Variants in MAP4 observed in about 807,000 individuals in gnomAD.
MAP4 encodes microtubule associated protein 4, also known as microtubule-associated protein 4.
A neutral mutation model predicts 170.2 loss-of-function variants in MAP4; 76 were observed. The observed-to-expected ratio is 0.45, with a 90% CI of 0.37 to 0.54. MAP4 has a LOEUF of 0.54. Among genes scored for constraint, MAP4 ranks in the 20% least tolerant of loss-of-function variants. The pLI, the probability that MAP4 is intolerant of heterozygous loss-of-function variation, is 0.00. For missense variants in MAP4, 2,506 were observed against 2,748.0 expected (o/e 0.91, Z 1.97); for synonymous variants, 909 against 994.5 (o/e 0.91, Z 1.62).
rs2100041070 is a variant in MAP4 at position 47,918,697 on chromosome 3, AAGG to A, written c.652+19_652+21del. 6.3e-7 allele frequency: 1 copy of A among 1,587,744 alleles called. No homozygotes were observed. The highest frequency in any genetic ancestry group is 1.7e-5 in the Admixed American group (1 of 59,720). ...CCAATACTGCAACCATTAACTGATA[AAGG>A]GAGTCTCTAATAGTTTACCTGCCGT... On this transcript the variant is annotated intron_variant, in intron 6 of 20. Coordinates refer to ENST00000683076, the MANE Select transcript of MAP4 (RefSeq NM_001385682.1).
At chr3:48,043,838 C>T (rs983464407) in intron 1 of MAP4, among the ~76,000 whole-genome samples, 1 of 152,086 alleles carries the variant, frequency 6.6e-6, no homozygotes, top group African/African-American at 2.4e-5. Context: ...ACTGCAATTG[C>T]TCTGTAATCT....
intron 4 of MAP4, among the ~76,000 whole-genome samples, chr3:47,922,598 C>T (rs2153706975): frequency 6.6e-6 from 1 of 151,740 alleles, no homozygotes; most frequent in South Asian, 2.1e-4. Flanking sequence ...TTTTTCACCT[C>T]ATGTGGACAT....
rs1050156326 is a variant in MAP4 at position 47,910,609 on chromosome 3, G to A, written c.3812C>T (p.Ser1271Leu). The A allele has an allele frequency of 1.7e-5, 26 of 1,535,940 alleles. No individual in the cohort carries two copies. Among genetic ancestry groups the A allele is most frequent in the East Asian group, 4.9e-5 (2 of 40,928 alleles). Residue 1271 changes from serine (S) to leucine (L), a missense_variant, in exon 9 of 21, where the codon TCG becomes TTG. Coordinates refer to ENST00000683076, the MANE Select transcript of MAP4 (RefSeq NM_001385682.1). ...GFTFPKMHDS[S>L]FSHTPDTPTV... ...GGGTGTATCTGGTGTATGTGAGAAC[G>A]AAGAATCATGCATTTTGGGGAAAGT... is the stretch of plus-strand genomic sequence containing the variant.
intron 12 of MAP4, 38 bp from the exon 13 acceptor site, chr3:47,872,138 G>C: frequency 6.5e-7 from 1 of 1,549,384 alleles, no homozygotes; most frequent in Non-Finnish European, 8.8e-7. Context: ...CTGCAGGTCA[G>C]CAATAGCCCC....
At chr3:47,992,903 T>TAAA (rs79093019) in intron 2 of MAP4, among the ~76,000 whole-genome samples, 3 of 117,798 alleles carry the variant, frequency 2.5e-5, no homozygotes, top group African/African-American at 6.2e-5. Context: ...CACTCCATCT[T>TAAA]AAAAAAAAAA....
intron 1 of MAP4, among the ~76,000 whole-genome samples, chr3:48,085,596 G>A (rs1418143251): frequency 6.6e-6 from 1 of 152,192 alleles, no homozygotes; most frequent in African/African-American, 2.4e-5. Context: ...ACTGGGGAAA[G>A]GGAGACTCAC....
At chr3:47,862,969 T>G (rs1464726932) in intron 17 of MAP4, among the ~76,000 whole-genome samples, 3 of 152,160 alleles carry the variant, frequency 2.0e-5, no homozygotes, top group African/African-American at 4.8e-5. Context: ...AAAGTTGTTT[T>G]TTTTTTTTTT....
At chr3:48,022,495 T>A (rs2100111057) in intron 1 of MAP4, among the ~76,000 whole-genome samples, 1 of 152,188 alleles carries the variant, frequency 6.6e-6, no homozygotes. Context: ...AAAAATGAAG[T>A]GATGCCTTTA....
rs781340043 is a variant in MAP4, at chr3:47,871,973, G to T, written c.5885C>A (p.Ala1962Asp). 1.9e-6 allele frequency: 3 copies of T among 1,614,020 alleles called. No individual in the cohort carries two copies. Among genetic ancestry groups the T allele is most frequent in the Non-Finnish European group, 8.5e-7 (1 of 1,179,924 alleles). The change falls in exon 13 of 21, where the codon GCC becomes GAC. Residue 1962 changes from alanine to aspartate, a missense_variant. Physicochemically the swap from Ala to Asp is moderately radical, Grantham distance 126. Coordinates refer to ENST00000683076, the MANE Select transcript of MAP4 (RefSeq NM_001385682.1). ...VAKTTTAAAVASTGPSSRSPS... is the reference protein window; with the variant it reads ...VAKTTTAAAVDSTGPSSRSPS... Reference sequence around the variant, plus strand: ...GCTCCTACTGCTTGGGCCAGTTGAGGCAACAGCAGCAGCTGTTGTGGTTTT... The same window carrying T: ...GCTCCTACTGCTTGGGCCAGTTGAGTCAACAGCAGCAGCTGTTGTGGTTTT...
rs116386156 is a variant in MAP4 at position 47,887,424 on chromosome 3, A to T, written c.5435-9901T>A. Among the ~76,000 whole-genome samples, 1,332 of 152,238 alleles carry T rather than the reference A, an allele frequency of 8.7e-3. 21 individuals carry two copies. Among genetic ancestry groups the T allele is most frequent in the African/African-American group, 0.031 (1,292 of 41,534 alleles). The stretch of plus-strand genomic sequence containing the variant: ...AAGTGCTGCGCTCGATTTCTCACTG[A>T]GCCTTAGCTGCTTTCCCGCGGGGCA... On this transcript the variant is annotated intron_variant, in intron 10 of 20. Transcript: ENST00000683076.
intron 1 of MAP4, among the ~76,000 whole-genome samples, chr3:48,084,321 C>A (rs1044232665): frequency 1.8e-4 from 27 of 150,090 alleles, no homozygotes; most frequent in African/African-American, 6.4e-4. Flanking sequence ...TCACTTGAGG[C>A]CAGAAGTTCA....
chr3:47,973,171 T>C, intron 3 of MAP4: 1 of 983,088 alleles, frequency 1.0e-6, no homozygotes, highest in South Asian at 4.7e-5. Flanking sequence ...AAGTCCAAAG[T>C]CACAAAAAAT....
chr3:47,972,897 A>G (rs1331645068), intron 3 of MAP4, among the ~76,000 whole-genome samples: 1 of 152,020 alleles, frequency 6.6e-6, no homozygotes, highest in Non-Finnish European at 1.5e-5. Flanking sequence ...AAAAAAAAAA[A>G]GAAAAAAGAA....
At chr3:48,060,998 CCACGCCCGGCTA>C (rs986011671) in intron 1 of MAP4, among the ~76,000 whole-genome samples, 4 of 151,962 alleles carry the variant, frequency 2.6e-5, no homozygotes, top group African/African-American at 4.8e-5. Flanking sequence ...GTACCCGCCA[CCACGCCCGGCTA>C]ATTTTTTTGT....
At chr3:47,891,272 TTGC>T in intron 10 of MAP4, 3 of 1,536,260 alleles carry the variant, frequency 2.0e-6, no homozygotes, top group South Asian at 1.2e-5. Context: ...CTTCCCAGAG[TTGC>T]TGCTGCTGTT....
chr3:48,036,479 A>G (rs1169687186), intron 1 of MAP4, among the ~76,000 whole-genome samples: 6 of 152,128 alleles, frequency 3.9e-5, no homozygotes, highest in Admixed American at 3.9e-4. Flanking sequence ...ATCATTTATC[A>G]TATTTCTGTG....
At chr3:48,022,764 G>A (rs1188711636) in intron 1 of MAP4, among the ~76,000 whole-genome samples, 2 of 152,066 alleles carry the variant, frequency 1.3e-5, no homozygotes, top group African/African-American at 2.4e-5. Flanking sequence ...GGTGGCATGC[G>A]CCTATAGTCC....
intron 1 of MAP4, among the ~76,000 whole-genome samples, chr3:48,086,094 G>GTATATA: frequency 6.7e-6 from 1 of 150,102 alleles, no homozygotes. Flanking sequence ...ATGTATGTGT[G>GTATATA]TATATATATG....
intron 1 of MAP4, among the ~76,000 whole-genome samples, chr3:48,025,829 G>A (rs1457350101): frequency 6.6e-6 from 1 of 151,302 alleles, no homozygotes; most frequent in Non-Finnish European, 1.5e-5. Context: ...GAACCTGGAA[G>A]GCGGAGGTTG....
Sources: gnomAD v4.1 joint callset for allele counts (sites outside exome capture counted in the v4.1 genomes callset) on GRCh38, gnomAD v4.1.1 for gene constraint, MANE v1.5 for transcripts, NCBI Gene and HGNC (gene_info 2026-07-23, HGNC 2026-07-21) for gene names.